The following COL21A1 variants were observed in gnomAD, a reference collection of about 807,000 sequenced individuals.
COL21A1 encodes the protein collagen type XXI alpha 1 chain.
Under a neutral mutation model 137.9 loss-of-function variants are expected in COL21A1, and 149 were observed. The ratio of observed to expected loss-of-function variants is 1.08; its 90% CI spans 0.95 to 1.24. The LOEUF (loss-of-function observed/expected upper bound fraction) is 1.24, where lower values mean the gene tolerates loss of function less well. Ranked by LOEUF, COL21A1 falls within the 50% of genes most tolerant of loss-of-function variation. The pLI is 0.00. For synonymous variants in COL21A1, 456 were observed against 391.5 expected (o/e 1.16, Z -1.95); for missense variants, 1,167 against 1,158.4 (o/e 1.01, Z -0.11).
chr6:56,228,747 T>A (rs1781365180), intron 1 of COL21A1, among the ~76,000 whole-genome samples: 1 of 151,610 alleles, frequency 6.6e-6, no homozygotes, highest in African/African-American at 2.4e-5. Flanking sequence ...GCTTACTGTT[T>A]GCTTTTGAGT....
intron 1 of COL21A1, among the ~76,000 whole-genome samples, chr6:56,335,763 G>A (rs1440679193): frequency 6.6e-6 from 1 of 152,150 alleles, no homozygotes; most frequent in African/African-American, 2.4e-5. Flanking sequence ...TCATTTGTTT[G>A]GGCTTTATTT....
intron 1 of COL21A1, among the ~76,000 whole-genome samples, chr6:56,393,063 A>G (rs1421130191): frequency 6.7e-6 from 1 of 149,300 alleles, no homozygotes; most frequent in African/African-American, 2.4e-5. Context: ...AAAAAAAAAA[A>G]GAAAACTGAA....
At chr6:56,245,375 T>C (rs1288373124) in intron 1 of COL21A1, among the ~76,000 whole-genome samples, 1 of 152,118 alleles carries the variant, frequency 6.6e-6, no homozygotes, top group African/African-American at 2.4e-5. Flanking sequence ...TTCCAGAAAG[T>C]TCCATATAAA....
At chr6:56,267,109 C>T (rs996951433) in intron 1 of COL21A1, among the ~76,000 whole-genome samples, 2 of 152,066 alleles carry the variant, frequency 1.3e-5, no homozygotes, top group African/African-American at 4.8e-5. Flanking sequence ...ATGTTGTATG[C>T]TTCACATTTC....
intron 12 of COL21A1, among the ~76,000 whole-genome samples, chr6:56,134,394 T>A (rs1160655892): frequency 6.6e-6 from 1 of 152,200 alleles, no homozygotes; most frequent in Non-Finnish European, 1.5e-5. Flanking sequence ...GTACCCCTAT[T>A]TTATCTAGGA....
chr6:56,155,776 T>G (rs1298974905), intron 10 of COL21A1, among the ~76,000 whole-genome samples: 1 of 151,992 alleles, frequency 6.6e-6, no homozygotes. Flanking sequence ...TTGTATTTCT[T>G]TTTTTTAATA....
chr6:56,362,823 T>C (rs999231), intron 1 of COL21A1, among the ~76,000 whole-genome samples: 59,788 of 152,006 alleles, frequency 0.39, 12,265 homozygotes, highest in Non-Finnish European at 0.45. Context: ...CCTAGCTGTT[T>C]GTGTGTTTGA....
At chr6:56,095,041 TA>T (rs1413981944) in intron 17 of COL21A1, among the ~76,000 whole-genome samples, 1 of 152,206 alleles carries the variant, frequency 6.6e-6, no homozygotes, top group Non-Finnish European at 1.5e-5. Flanking sequence ...TTTAACCTAC[TA>T]CCACTAGTAT....
At chr6:56,155,696 A>C (rs532458027) in intron 10 of COL21A1, among the ~76,000 whole-genome samples, 1 of 152,304 alleles carries the variant, frequency 6.6e-6, no homozygotes, top group South Asian at 2.1e-4. Flanking sequence ...CTCGTGTTCA[A>C]GTGATTCTTG....
At chr6:56,198,480 A>G (rs1390892813) in intron 1 of COL21A1, among the ~76,000 whole-genome samples, 1 of 152,128 alleles carries the variant, frequency 6.6e-6, no homozygotes, top group Non-Finnish European at 1.5e-5. Context: ...CCTAAAATAT[A>G]TACAATTTTT....
At chr6:56,384,181 C>T (rs926097698) in intron 1 of COL21A1, among the ~76,000 whole-genome samples, 12 of 152,116 alleles carry the variant, frequency 7.9e-5, no homozygotes, top group African/African-American at 2.9e-4. Context: ...TCCTCGTTAG[C>T]CAAGCCCAGA....
chr6:56,089,564 C>T (rs1006282992), intron 17 of COL21A1, among the ~76,000 whole-genome samples: 15 of 151,976 alleles, frequency 9.9e-5, no homozygotes, highest in Admixed American at 2.6e-4. Flanking sequence ...TATAAGTGGA[C>T]CCAAAAAATT....
In COL21A1 at chr6:56,343,847, A is replaced by G. The variant is rs375684425; in HGVS notation, c.-39+50124T>C. Among the ~76,000 whole-genome samples, 166 of 152,062 alleles carry G rather than the reference A, an allele frequency of 1.1e-3. 1 individual carries two copies. The highest frequency in any genetic ancestry group is 3.9e-3 in the African/African-American group (163 of 41,490). On this transcript the variant is annotated intron_variant, in intron 1 of 28. Transcript: ENST00000370819. Reference sequence around the variant, plus strand: ...AGTCCCAGCTACTCGATGGTGGGGGAGCTGAGGTGGGAGGATTGAGCCCAG... The same window carrying G: ...AGTCCCAGCTACTCGATGGTGGGGGGGCTGAGGTGGGAGGATTGAGCCCAG...
At chr6:56,230,540 A>G (rs1338030926) in intron 1 of COL21A1, among the ~76,000 whole-genome samples, 1 of 151,872 alleles carries the variant, frequency 6.6e-6, no homozygotes, top group Non-Finnish European at 1.5e-5. Flanking sequence ...GAATTGTAAT[A>G]TAATTTTTTT....
chr6:56,061,192 G>A (rs1463853810), intron 25 of COL21A1, 155 bp from the exon 26 acceptor site: 1 of 661,348 alleles, frequency 1.5e-6, no homozygotes, highest in Non-Finnish European at 2.4e-6. Flanking sequence ...TTGACCAGAA[G>A]GGAAATTTCA....
At chr6:56,246,618 G>GAGCA (rs1653467881) in intron 1 of COL21A1, among the ~76,000 whole-genome samples, 1 of 152,142 alleles carries the variant, frequency 6.6e-6, no homozygotes, top group African/African-American at 2.4e-5. Flanking sequence ...TTTCAAACTT[G>GAGCA]AGCAAGCACT....
chr6:56,059,199 C>T lies in COL21A1; in HGVS notation c.2652G>A (p.Gly884=). ...RNGEKGSQGF[G]YPGEQGPPGP... is the part of the protein sequence containing the mutation. ...CAGGAGGACCTTGTTCTCCAGGATA[C>T]CCAAACCCTTGGCTCCCTTTTTCCC... Residue 884 remains glycine, a synonymous_variant, in exon 29 of 30, where the codon GGG becomes GGA. Coordinates refer to ENST00000244728, the MANE Select transcript of COL21A1 (RefSeq NM_030820.4). The T allele has an allele frequency of 6.2e-7, 1 of 1,610,474 alleles. No individual in the cohort carries two copies. Among genetic ancestry groups the T allele is most frequent in the South Asian group, 1.1e-5 (1 of 90,458 alleles).
At chr6:56,145,967 G>A (rs1376863791) in intron 10 of COL21A1, among the ~76,000 whole-genome samples, 1 of 151,846 alleles carries the variant, frequency 6.6e-6, no homozygotes, top group Non-Finnish European at 1.5e-5. Context: ...CAAAGCTTCA[G>A]GAAATATGTA....
intron 16 of COL21A1, among the ~76,000 whole-genome samples, chr6:56,116,038 A>G (rs1215307147): frequency 1.3e-5 from 2 of 152,078 alleles, no homozygotes; most frequent in Non-Finnish European, 2.9e-5. Flanking sequence ...AATAGTCTCA[A>G]AGGGCAAATC....
Sources: gnomAD v4.1 joint callset for allele counts (sites outside exome capture counted in the v4.1 genomes callset) on GRCh38, gnomAD v4.1.1 for gene constraint, MANE v1.5 for transcripts, NCBI Gene and HGNC (gene_info 2026-07-23, HGNC 2026-07-21) for gene names.